GSK3B: variants seen among roughly 807,000 people sequenced by gnomAD.
GSK3B encodes the protein glycogen synthase kinase 3 beta, also known as glycogen synthase kinase-3 beta.
GSK3B carries 15 observed loss-of-function variants against 56.4 expected under a neutral mutation model. The ratio of observed to expected loss-of-function variants is 0.27; its 90% CI spans 0.18 to 0.41. The LOEUF is 0.41. Among genes scored for constraint, GSK3B ranks in the 10% least tolerant of loss-of-function variants. The pLI is 1.00. For synonymous variants in GSK3B, 181 were observed against 188.9 expected, an observed-to-expected ratio of 0.96 and a Z score of 0.34; for missense variants, 300 against 513.4, an observed-to-expected ratio of 0.58 and a Z score of 4.02.
chr3:120,043,205 G>A (rs1458040816), intron 1 of GSK3B, among the ~76,000 whole-genome samples: 1 of 151,888 alleles, frequency 6.6e-6, no homozygotes, highest in Admixed American at 6.6e-5. Context: ...CCGCAGTCCA[G>A]ACAGCAAAAA....
intron 7 of GSK3B, among the ~76,000 whole-genome samples, chr3:119,889,249 T>G (rs1396910734): frequency 6.6e-6 from 1 of 152,108 alleles, no homozygotes; most frequent in Non-Finnish European, 1.5e-5. Flanking sequence ...GGCCGAGCTG[T>G]AAAATTCCTC....
intron 2 of GSK3B, among the ~76,000 whole-genome samples, chr3:119,967,996 C>T (rs529079924): frequency 6.6e-6 from 1 of 152,256 alleles, no homozygotes; most frequent in African/African-American, 2.4e-5. Flanking sequence ...GCTGGGATTA[C>T]AGGCACGTGC....
intron 1 of GSK3B, among the ~76,000 whole-genome samples, chr3:120,061,568 G>A (rs114741212): frequency 0.016 from 2,501 of 152,194 alleles, 32 homozygotes; most frequent in Non-Finnish European, 0.025. Context: ...ACACTGTTTA[G>A]ACACTATTAT....
At chr3:119,842,095 A>AT (rs1207046543) in intron 10 of GSK3B, among the ~76,000 whole-genome samples, 1 of 152,200 alleles carries the variant, frequency 6.6e-6, no homozygotes, top group African/African-American at 2.4e-5. Flanking sequence ...GAGAAAAAAA[A>AT]GGTGCCAAAT....
chr3:120,030,043 A>G (rs571272665), intron 1 of GSK3B, among the ~76,000 whole-genome samples: 3 of 152,242 alleles, frequency 2.0e-5, no homozygotes, highest in African/African-American at 7.2e-5. Flanking sequence ...ATTATGACAA[A>G]GTTGTGAAAT....
intron 9 of GSK3B, among the ~76,000 whole-genome samples, chr3:119,859,595 A>C (rs541631231): frequency 5.4e-4 from 82 of 152,154 alleles, no homozygotes; most frequent in African/African-American, 2.0e-3. Flanking sequence ...ATCAATTCCT[A>C]TTCTGTAACA....
chr3:119,966,691 T>C (rs1386655964), intron 2 of GSK3B, among the ~76,000 whole-genome samples: 1 of 152,202 alleles, frequency 6.6e-6, no homozygotes, highest in East Asian at 1.9e-4. Flanking sequence ...CAGGAATAGC[T>C]ATTACTTCAC....
intron 1 of GSK3B, among the ~76,000 whole-genome samples, chr3:120,072,676 T>A (rs532569182): frequency 6.6e-6 from 1 of 152,336 alleles, no homozygotes; most frequent in South Asian, 2.1e-4. Context: ...TTGGTCTCTA[T>A]ATTTAAGATT....
At position 120,093,482 on chromosome 3, in the gene GSK3B, C is replaced by T; in HGVS notation, c.-48G>A. On this transcript the variant is annotated 5_prime_UTR_variant, in exon 1 of 11. Transcript: ENST00000264235. ...CTTTTCCTTCCTTCCTCCTTTTCTT[C>T]CTTTTGTCTTTATGTTGGGGTGTTA... The T allele has an allele frequency of 8.0e-7, 1 of 1,248,746 alleles. No homozygotes were observed. 77.4% of individuals were successfully genotyped at this position (1,248,746 alleles called of 1,614,324 possible). A position where few individuals can be genotyped will look rare whatever the true frequency, so the allele number is the denominator to read the frequency against.
intron 2 of GSK3B, among the ~76,000 whole-genome samples, chr3:119,986,883 CGTTT>C (rs1204120685): frequency 6.6e-6 from 1 of 152,134 alleles, no homozygotes; most frequent in African/African-American, 2.4e-5. Flanking sequence ...CACATGCACA[CGTTT>C]GTTTATTGTG....
intron 1 of GSK3B, among the ~76,000 whole-genome samples, chr3:120,023,440 T>C (rs1417631022): frequency 1.3e-5 from 2 of 151,696 alleles, no homozygotes; most frequent in African/African-American, 4.8e-5. Context: ...ATTTCCATTA[T>C]AAAAACTGAA....
In GSK3B at chr3:120,085,159, G is replaced by C. The variant is rs144338957; in HGVS notation, c.88+8188C>G. Among the ~76,000 whole-genome samples the C allele has an allele frequency of 1.5e-3, 229 of 152,108 alleles. 2 individuals are homozygous for C. Among genetic ancestry groups the C allele is most frequent in the African/African-American group, 5.2e-3 (215 of 41,482 alleles). Reference sequence around the variant, plus strand: ...TTTTTTAAAATTTAAAGCAAAATAGGTAAATAAAACATGCAATTATCTGGC... The same window carrying C: ...TTTTTTAAAATTTAAAGCAAAATAGCTAAATAAAACATGCAATTATCTGGC... On this transcript the variant is annotated intron_variant, in intron 1 of 10. Coordinates refer to ENST00000264235, the MANE Select transcript of GSK3B (RefSeq NM_001146156.2).
chr3:119,939,774 T>C (rs1173440988), intron 3 of GSK3B, among the ~76,000 whole-genome samples: 1 of 152,134 alleles, frequency 6.6e-6, no homozygotes, highest in Admixed American at 6.5e-5. Context: ...ATAATTGATA[T>C]ATAGCAAGGA....
intron 7 of GSK3B, among the ~76,000 whole-genome samples, chr3:119,896,398 G>C (rs1480668339): frequency 1.3e-5 from 2 of 151,114 alleles, no homozygotes; most frequent in Non-Finnish European, 2.9e-5. Flanking sequence ...TAGAAAGGGG[G>C]GTATATGAAT....
rs67889588 is a variant in GSK3B, at chr3:119,826,302, C to T, written c.*486G>A. 4.1e-3 allele frequency: 1,180 copies of T among 288,758 alleles called. 31 individuals carry two copies. In the East Asian group the frequency reaches 0.049, roughly 12 times the overall value. The allele number at this position is 288,758 out of a possible 1,614,324, so 17.9% of individuals were successfully genotyped here. ...TTAATTTTACAAGTGACATTTAAGTCCCCGTTGAGTTATACCTGCTAAGCT... is the reference window on the plus strand; with the variant it reads ...TTAATTTTACAAGTGACATTTAAGTTCCCGTTGAGTTATACCTGCTAAGCT... On this transcript the variant is annotated 3_prime_UTR_variant, in exon 11 of 11. Transcript: ENST00000264235.
chr3:119,975,885 C>T (rs986056506), intron 2 of GSK3B, among the ~76,000 whole-genome samples: 1 of 152,156 alleles, frequency 6.6e-6, no homozygotes, highest in Non-Finnish European at 1.5e-5. Flanking sequence ...ATTCTCTGTA[C>T]TTTCCACTCA....
intron 6 of GSK3B, among the ~76,000 whole-genome samples, chr3:119,911,081 T>C (rs997055280): frequency 1.3e-5 from 2 of 152,092 alleles, no homozygotes; most frequent in African/African-American, 4.8e-5. Flanking sequence ...TGTGATTGAG[T>C]CACAAATGTT....
chr3:119,908,417 T>C (rs1196992152), intron 6 of GSK3B, among the ~76,000 whole-genome samples: 1 of 152,196 alleles, frequency 6.6e-6, no homozygotes, highest in African/African-American at 2.4e-5. Flanking sequence ...GAGTCAAGTC[T>C]AAAAATGCCA....
At chr3:119,969,004 T>C (rs567784508) in intron 2 of GSK3B, among the ~76,000 whole-genome samples, 59 of 152,094 alleles carry the variant, frequency 3.9e-4, no homozygotes, top group African/African-American at 1.3e-3. Context: ...AAGATCTATA[T>C]CATGAGGCCG....
Sources: gnomAD v4.1 joint callset for allele counts (sites outside exome capture counted in the v4.1 genomes callset) on GRCh38, gnomAD v4.1.1 for gene constraint, MANE v1.5 for transcripts, NCBI Gene and HGNC (gene_info 2026-07-23, HGNC 2026-07-21) for gene names.